The following ASIC1 variants were observed in gnomAD, a reference collection of about 807,000 sequenced individuals.
ASIC1 encodes the protein acid sensing ion channel subunit 1, also known as acid-sensing ion channel 1.
A neutral mutation model predicts 63.4 loss-of-function variants in ASIC1; 21 were observed. The observed-to-expected ratio is 0.33, with a 90% CI of 0.23 to 0.48. The LOEUF is 0.48. ASIC1 is among the 20% of genes least tolerant of loss of function. The pLI is 0.99. For synonymous variants in ASIC1, 258 were observed against 278.2 expected (o/e 0.93, Z 0.72); for missense variants, 478 against 695.5 (o/e 0.69, Z 3.52).
intron 3 of ASIC1, among the ~76,000 whole-genome samples, chr12:50,075,404 G>A (rs897187715): frequency 2.0e-5 from 3 of 152,204 alleles, no homozygotes; most frequent in Admixed American, 6.5e-5. Context: ...CTGAACCGGC[G>A]CAAGACAGGG....
chr12:50,067,410 G>GTT lies in ASIC1; in HGVS notation c.558+7471_558+7472dup, dbSNP rs35238318. Among the ~76,000 whole-genome samples, 27 of 134,194 alleles carry GTT rather than the reference G, an allele frequency of 2.0e-4. 2 individuals are homozygous for GTT. The highest frequency in any genetic ancestry group is 3.7e-4 in the Admixed American group (5 of 13,432). The allele number at this position is 134,194 out of a possible 152,430, so 88.0% of individuals were successfully genotyped here. On this transcript the variant is annotated intron_variant, in intron 3 of 11. Coordinates refer to ENST00000447966, the MANE Select transcript of ASIC1 (RefSeq NM_001095.4). The stretch of plus-strand genomic sequence containing the variant: ...GTTGCCCACCAACTCTTCTGCTGTT[G>GTT]TTTTTTTTTTTTTTTTGAGACGGAG...
intron 3 of ASIC1, among the ~76,000 whole-genome samples, chr12:50,060,694 A>C (rs1950493582): frequency 6.6e-6 from 1 of 152,210 alleles, no homozygotes; most frequent in Non-Finnish European, 1.5e-5. Flanking sequence ...TGGCTGCCTC[A>C]GGCCAGCACC....
In ASIC1 at chr12:50,074,058, C is replaced by G; in HGVS notation, c.559-3155C>G. 6.5e-7 allele frequency: 1 copy of G among 1,534,572 alleles called. No homozygotes were observed. Among genetic ancestry groups the G allele is most frequent in the Middle Eastern group, 1.7e-4 (1 of 5,982 alleles). ...GCTACCCTGACTTGCTTTATTTGGC[C>G]CCCATGCTGGGACTGGATGAAAGTG... On this transcript the variant is annotated intron_variant, in intron 3 of 11. Transcript: ENST00000447966. The surrounding 1 kb of genome is among the most constrained non-coding windows in gnomAD (Gnocchi z 4.2).
chr12:50,065,069 C>G (rs146484681), intron 3 of ASIC1, among the ~76,000 whole-genome samples: 1 of 152,176 alleles, frequency 6.6e-6, no homozygotes, highest in Non-Finnish European at 1.5e-5. Flanking sequence ...CCAAACTCAG[C>G]CTCTCGGAAA....
chr12:50,071,820 C>T (rs1288379815), intron 3 of ASIC1, among the ~76,000 whole-genome samples: 1 of 152,172 alleles, frequency 6.6e-6, no homozygotes, highest in African/African-American at 2.4e-5. Context: ...TAGAGAAGGT[C>T]TTTAAGCAGA....
chr12:50,073,630 G>A (rs1360861584), intron 3 of ASIC1: 1 of 1,535,976 alleles, frequency 6.5e-7, no homozygotes. Flanking sequence ...CTCTGGAGAG[G>A]AAGCCCCAGG....
Position 50,058,941 on chromosome 12 carries a change from T to A in ASIC1, c.175T>A (p.Cys59Ser). 2.5e-6 allele frequency: 4 copies of A among 1,614,136 alleles called. No individual in the cohort carries two copies. Among genetic ancestry groups the A allele is most frequent in the Non-Finnish European group, 3.4e-6 (4 of 1,179,986 alleles). Residue 59 changes from cysteine (C) to serine (S), a missense_variant, in exon 2 of 12, where the codon TGT becomes AGT. By Grantham distance (112) the Cys-to-Ser change is moderately radical. Transcript: ENST00000447966. Reference sequence around the variant, plus strand: ...CCTGGGCTCCCTGGCTGTGCTGCTGTGTGTGTGCACGGAGCGTGTGCAGTA... The same window carrying A: ...CCTGGGCTCCCTGGCTGTGCTGCTGAGTGTGTGCACGGAGCGTGTGCAGTA... ...CFLGSLAVLL[C>S]VCTERVQYYF...
intron 3 of ASIC1, among the ~76,000 whole-genome samples, chr12:50,070,288 A>G (rs1019368219): frequency 1.3e-5 from 2 of 152,144 alleles, no homozygotes; most frequent in Non-Finnish European, 2.9e-5. Context: ...ATGGGAAAGA[A>G]TGTTAGAAGA....
At chr12:50,077,001 T>C (rs756247235) in intron 3 of ASIC1, 6 of 796,008 alleles carry the variant, frequency 7.5e-6, no homozygotes, top group Non-Finnish European at 1.1e-5. Flanking sequence ...GCTCAGGCGA[T>C]GCACCCTACC....
rs1950735480 is a variant in ASIC1, at chr12:50,082,904, C to G, written c.*1255C>G. 6.5e-6 allele frequency: 1 copy of G among 152,866 alleles called. No homozygotes were observed. The highest frequency in any genetic ancestry group is 1.5e-5 in the Non-Finnish European group (1 of 68,180). 9.5% of individuals were successfully genotyped at this position (152,866 alleles called of 1,614,324 possible). On this transcript the variant is annotated 3_prime_UTR_variant, in exon 12 of 12. Coordinates refer to ENST00000447966, the MANE Select transcript of ASIC1 (RefSeq NM_001095.4). The stretch of plus-strand genomic sequence containing the variant: ...CGGGCACCCTCGGCCCTCCCTGCAG[C>G]CTTAACATTCTCTTCCCCTGCTCCT...
chr12:50,080,453 G>A, intron 8 of ASIC1, 45 bp from the exon 9 acceptor site: 8 of 1,578,124 alleles, frequency 5.1e-6, no homozygotes, highest in Non-Finnish European at 7.0e-6. Context: ...GTAAGAGATA[G>A]AGATATGACT....
rs574307836 is a variant in ASIC1 at position 50,081,539 on chromosome 12, C to A, written c.1483-6C>A. On this transcript the variant is annotated splice_region_variant and splice_polypyrimidine_tract_variant and intron_variant, in intron 11 of 11. Coordinates refer to ENST00000447966, the MANE Select transcript of ASIC1 (RefSeq NM_001095.4). ...AACCCGTCCCTGTCCTGTCCCCTTC[C>A]CCCAGAACCCGTGCGAGAGCCTTCG... The A allele has an allele frequency of 1.9e-5, 30 of 1,613,972 alleles. No homozygotes were observed. The Admixed American group carries it at 4.0e-4, about 22-fold the overall frequency.
chr12:50,078,385 C>G lies in ASIC1; in HGVS notation c.838-36C>G. On this transcript the variant is annotated intron_variant, in intron 5 of 11. Transcript: ENST00000447966. This position sits in a 1 kb window ranked among gnomAD's most constrained non-coding sequence, Gnocchi z 6.0. ...CCATCAAGCTGATTTGGGGAGAAGT[C>G]CCCGCACTCCCCCAGCTCCCCGGCT... 1 of 1,609,860 alleles carries G rather than the reference C, an allele frequency of 6.2e-7. No homozygotes were observed. Among genetic ancestry groups the G allele is most frequent in the Non-Finnish European group, 8.5e-7 (1 of 1,177,472 alleles).
Position 50,059,718 on chromosome 12 carries a change from T to A in ASIC1, c.363-41T>A. 6.3e-7 allele frequency: 1 copy of A among 1,591,936 alleles called. No homozygotes were observed. Among genetic ancestry groups the A allele is most frequent in the South Asian group, 1.1e-5 (1 of 87,634 alleles). On this transcript the variant is annotated intron_variant, in intron 2 of 11. Transcript: ENST00000447966. This position sits in a 1 kb window ranked among gnomAD's most constrained non-coding sequence, Gnocchi z 4.6. ...ACCCAAGTTGGGTGCAGGACACTGA[T>A]GACTGTACTGACCCGTGTGTCACTC...
At position 50,078,371 on chromosome 12, in the gene ASIC1, A is replaced by G. The variant is rs1225419484; in HGVS notation, c.838-50A>G. 6.2e-7 allele frequency: 1 copy of G among 1,606,154 alleles called. No homozygotes were observed. The highest frequency in any genetic ancestry group is 8.5e-7 in the Non-Finnish European group (1 of 1,175,388). ...CTTGTCAGAGGAGTCCATCAAGCTG[A>G]TTTGGGGAGAAGTCCCCGCACTCCC... On this transcript the variant is annotated intron_variant, in intron 5 of 11. Transcript: ENST00000447966. This position sits in a 1 kb window ranked among gnomAD's most constrained non-coding sequence, Gnocchi z 6.0.
At chr12:50,066,403 T>C (rs1017474428) in intron 3 of ASIC1, among the ~76,000 whole-genome samples, 3 of 151,886 alleles carry the variant, frequency 2.0e-5, no homozygotes, top group Non-Finnish European at 4.4e-5. Context: ...TGAGAAGCAG[T>C]GTGGAGAGGC....
intron 1 of ASIC1, among the ~76,000 whole-genome samples, chr12:50,058,269 G>A (rs1281932571): frequency 6.6e-6 from 1 of 152,190 alleles, no homozygotes; most frequent in Admixed American, 6.5e-5. Flanking sequence ...CACCTCCCTG[G>A]GGGTTTTCTG....
chr12:50,058,326 G>T lies in ASIC1; in HGVS notation c.-17+410G>T, dbSNP rs148562757. On this transcript the variant is annotated intron_variant, in intron 1 of 11. Coordinates refer to ENST00000447966, the MANE Select transcript of ASIC1 (RefSeq NM_001095.4). ...CCACAGCCCCGTCCAGGGAATACCC[G>T]TGACCAGGACAGGAGCTCCTTACCC... Among the ~76,000 whole-genome samples the T allele has an allele frequency of 9.2e-5, 14 of 152,310 alleles. No homozygotes were observed. In the East Asian group the frequency reaches 2.7e-3, roughly 29 times the overall value.
rs1372679588 is a variant in ASIC1, at chr12:50,057,632, G to A, written c.-301G>A. 6.6e-6 allele frequency: 1 copy of A among 151,996 alleles called. No homozygotes were observed. Among genetic ancestry groups the A allele is most frequent in the Admixed American group, 6.5e-5 (1 of 15,280 alleles). 9.4% of individuals were successfully genotyped at this position (151,996 alleles called of 1,614,324 possible). A position where few individuals can be genotyped will look rare whatever the true frequency, so the allele number is the denominator to read the frequency against. On this transcript the variant is annotated 5_prime_UTR_variant, in exon 1 of 12. Transcript: ENST00000447966. This position sits in a 1 kb window ranked among gnomAD's most constrained non-coding sequence, Gnocchi z 4.7. The stretch of plus-strand genomic sequence containing the variant: ...CCCGCCGCCTCCCGGCCGGACGATG[G>A]ATCCCTGCAGATCCCAGGGCTGAGA...
Sources: gnomAD v4.1 joint callset for allele counts (sites outside exome capture counted in the v4.1 genomes callset) on GRCh38, gnomAD v4.1.1 for gene constraint, Gnocchi (gnomAD v3.1) non-coding constraint, MANE v1.5 for transcripts, NCBI Gene and HGNC (gene_info 2026-07-23, HGNC 2026-07-21) for gene names.